The following REV3L variants were observed in gnomAD, a reference collection of about 807,000 sequenced individuals.
REV3L encodes the protein DNA polymerase zeta catalytic subunit.
In REV3L, 69 loss-of-function variants were observed where a neutral mutation model predicts 299.4. The observed-to-expected ratio is 0.23, with a 90% confidence interval of 0.19 to 0.28. The LOEUF (loss-of-function observed/expected upper bound fraction) is 0.28, where lower values mean the gene tolerates loss of function less well. Ranked by LOEUF, REV3L falls within the 10% of genes least tolerant of loss-of-function variation. The pLI, the probability that REV3L is intolerant of heterozygous loss-of-function variation, is 1.00. For missense variants in REV3L, 3,128 were observed against 3,693.8 expected (o/e 0.85, Z 3.97); for synonymous variants, 1,238 against 1,271.4 (o/e 0.97, Z 0.56).
At chr6:111,443,968 A>T (rs150886648) in intron 1 of REV3L, among the ~76,000 whole-genome samples, 1 of 152,346 alleles carries the variant, frequency 6.6e-6, no homozygotes, top group African/African-American at 2.4e-5. Context: ...AAGAGAACTG[A>T]TTTTAAATAT....
intron 1 of REV3L, among the ~76,000 whole-genome samples, chr6:111,482,371 G>A (rs1400761365): frequency 6.6e-6 from 1 of 152,178 alleles, no homozygotes; most frequent in Non-Finnish European, 1.5e-5. Context: ...CCTCAGAGCA[G>A]GCCCTACGAA....
chr6:111,324,369 T>C (rs1036600723), intron 25 of REV3L, among the ~76,000 whole-genome samples: 1 of 152,228 alleles, frequency 6.6e-6, no homozygotes, highest in Non-Finnish European at 1.5e-5. Context: ...GAATGTAAAC[T>C]GTAACTTAAT....
chr6:111,381,455 C>T lies in REV3L; in HGVS notation c.1097-11G>A. On this transcript the variant is annotated splice_polypyrimidine_tract_variant and intron_variant, in intron 9 of 31. Transcript: ENST00000368802. ...TGTGTCTAGTGTGACCTTAATTTGA[C>T]AAAGAATAAAAAAAATTGAAGCAAT... 1 of 1,588,780 alleles carries T rather than the reference C, an allele frequency of 6.3e-7. No homozygotes were observed.
In REV3L at chr6:111,433,790, T is replaced by C. The variant is rs565158345; in HGVS notation, c.140-17318A>G. Among the ~76,000 whole-genome samples the C allele has an allele frequency of 5.9e-5, 9 of 152,246 alleles. No homozygotes were observed. The East Asian group carries it at 1.5e-3, about 26-fold the overall frequency. ...GGCCAACATCCCTGATGAACACAGA[T>C]GCAAAAATCCTCAACAAAATTCTAG... On this transcript the variant is annotated intron_variant, in intron 1 of 31. Transcript: ENST00000368802.
intron 1 of REV3L, among the ~76,000 whole-genome samples, chr6:111,425,415 C>T (rs559956067): frequency 7.6e-4 from 115 of 152,122 alleles, no homozygotes; most frequent in Middle Eastern, 3.4e-3. Flanking sequence ...GCGGAGATTG[C>T]GCCACTGCAC....
At chr6:111,392,526 AG>A (rs1239695692) in intron 5 of REV3L, among the ~76,000 whole-genome samples, 1 of 152,142 alleles carries the variant, frequency 6.6e-6, no homozygotes, top group Non-Finnish European at 1.5e-5. Flanking sequence ...AAAAATATTT[AG>A]ATTTTTGTTT....
chr6:111,361,104 C>T lies in REV3L; in HGVS notation c.6880-2090G>A, dbSNP rs1470172194. On this transcript the variant is annotated intron_variant, in intron 16 of 31. Coordinates refer to ENST00000368802, the MANE Select transcript of REV3L (RefSeq NM_001372078.1). ...ATTAGAAAGGGATGAACATATGAGG[C>T]CGGGCACGGTGGCTTATGCCTGTAA... Among the ~76,000 whole-genome samples, 5 of 151,786 alleles carry T rather than the reference C, an allele frequency of 3.3e-5. No homozygotes were observed. In the East Asian group the frequency reaches 9.8e-4, roughly 30 times the overall value.
intron 18 of REV3L, chr6:111,356,808 A>G (rs1363564739): frequency 1.4e-5 from 4 of 295,056 alleles, no homozygotes; most frequent in Non-Finnish European, 2.5e-5. Context: ...AGAACAGAAC[A>G]CTGCTTTTCC....
At chr6:111,397,572 T>C (rs1236868560) in intron 4 of REV3L, among the ~76,000 whole-genome samples, 1 of 152,206 alleles carries the variant, frequency 6.6e-6, no homozygotes, top group Non-Finnish European at 1.5e-5. Context: ...ATGAGGAGAA[T>C]GTGTATTCTG....
At chr6:111,397,388 T>C (rs1452072730) in intron 4 of REV3L, among the ~76,000 whole-genome samples, 1 of 152,204 alleles carries the variant, frequency 6.6e-6, no homozygotes, top group Non-Finnish European at 1.5e-5. Context: ...AGGAGCATTT[T>C]GTTTAATTTC....
intron 2 of REV3L, among the ~76,000 whole-genome samples, chr6:111,415,774 C>G (rs1255890639): frequency 1.4e-4 from 21 of 152,132 alleles, no homozygotes; most frequent in Non-Finnish European, 1.5e-5. Flanking sequence ...CTAAAATTGT[C>G]ACTAGTCTAC....
Position 111,363,991 on chromosome 6 carries a change from A to G in REV3L, c.6754-13T>C. On this transcript the variant is annotated splice_polypyrimidine_tract_variant and intron_variant, in intron 15 of 31. Coordinates refer to ENST00000368802, the MANE Select transcript of REV3L (RefSeq NM_001372078.1). ...CTGCAAATTGATTCTATAAAAAAAA[A>G]CACACACACACACAGCCAGAAAAAG... 1 of 1,512,698 alleles carries G rather than the reference A, an allele frequency of 6.6e-7. No individual in the cohort carries two copies. The highest frequency in any genetic ancestry group is 8.9e-7 in the Non-Finnish European group (1 of 1,121,452). 93.7% of individuals were successfully genotyped at this position (1,512,698 alleles called of 1,614,324 possible). A position where few individuals can be genotyped will look rare whatever the true frequency, so the allele number is the denominator to read the frequency against.
At chr6:111,344,251 A>G (rs555741680) in intron 20 of REV3L, among the ~76,000 whole-genome samples, 1 of 152,248 alleles carries the variant, frequency 6.6e-6, no homozygotes, top group Non-Finnish European at 1.5e-5. Flanking sequence ...AAATTATTTA[A>G]TTAGAGAAAG....
chr6:111,386,808 A>AC (rs1229934625), intron 9 of REV3L, among the ~76,000 whole-genome samples: 5 of 135,222 alleles, frequency 3.7e-5, no homozygotes, highest in Non-Finnish European at 7.6e-5. Flanking sequence ...TGCAACCTCC[A>AC]CCTCCTGGGT....
In REV3L at chr6:111,387,911, G is replaced by A. The variant is rs1407345330; in HGVS notation, c.950C>T (p.Thr317Ile). 2 of 1,613,642 alleles carry A rather than the reference G, an allele frequency of 1.2e-6. No homozygotes were observed. Among genetic ancestry groups the A allele is most frequent in the Non-Finnish European group, 1.7e-6 (2 of 1,179,694 alleles). ...GCTGTAGTCCACAGATCCTGATAAT[G>A]TTCTGCTTAATTAAAACATATCCTT... is the stretch of plus-strand genomic sequence containing the variant. The part of the protein sequence containing the change: ...EILKQNDFSV[T>I]LSGSVDYSDG... The change falls in exon 9 of 32, where the codon ACA becomes ATA. Residue 317 changes from threonine (T) to isoleucine (I), a missense_variant and splice_region_variant. Physicochemically the swap from Thr to Ile is moderately conservative, Grantham distance 89. Transcript: ENST00000368802.
chr6:111,315,192 T>G, intron 27 of REV3L, 75 bp downstream of exon 27: 2 of 1,183,928 alleles, frequency 1.7e-6, no homozygotes, highest in Middle Eastern at 2.3e-4. Flanking sequence ...ATTCTGAAAA[T>G]GTACTGAACA....
At chr6:111,413,476 A>T (rs1256158760) in intron 2 of REV3L, among the ~76,000 whole-genome samples, 1 of 152,120 alleles carries the variant, frequency 6.6e-6, no homozygotes, top group Admixed American at 6.6e-5. Flanking sequence ...CATGAGTGAG[A>T]AGGAATCCCA....
At chr6:111,468,645 GA>G (rs1195139015) in intron 1 of REV3L, among the ~76,000 whole-genome samples, 13 of 152,164 alleles carry the variant, frequency 8.5e-5, no homozygotes, top group African/African-American at 3.1e-4. Context: ...TGAAGACATG[GA>G]AAAAGTCTCC....
At chr6:111,341,171 C>T (rs756794952) in intron 21 of REV3L, among the ~76,000 whole-genome samples, 2 of 151,706 alleles carry the variant, frequency 1.3e-5, no homozygotes, top group Non-Finnish European at 2.9e-5. Flanking sequence ...CTCAGCCTCC[C>T]GAGTAGCTGG....
Sources: allele counts gnomAD v4.1 joint callset (sites outside exome capture counted in the v4.1 genomes callset), GRCh38; gene constraint gnomAD v4.1.1; transcripts MANE v1.5; gene names NCBI Gene and HGNC (gene_info 2026-07-23, HGNC 2026-07-21).